AGBL2: variants seen among roughly 807,000 people sequenced by gnomAD.
The protein encoded by AGBL2 is AGBL carboxypeptidase 2, also known as cytosolic carboxypeptidase 2.
In AGBL2, 87 loss-of-function variants were observed where a neutral mutation model predicts 103.0. That is an observed-to-expected ratio of 0.84 (90% confidence interval 0.71 to 1.01). The LOEUF (loss-of-function observed/expected upper bound fraction) is 1.01. AGBL2 is among the 50% of genes least tolerant of loss of function. AGBL2 has a pLI of 0.00. For missense variants in AGBL2, 904 were observed against 1,023.5 expected (o/e 0.88, Z 1.59); for synonymous variants, 335 against 356.7 (o/e 0.94, Z 0.69).
At chr11:47,663,216 TTG>T in intron 17 of AGBL2, 104 bp from the exon 18 acceptor site, 1 of 720,438 alleles carries the variant, frequency 1.4e-6, no homozygotes. Context: ...TGTTGATTCA[TTG>T]TGATATTCCC....
rs879695437 is a variant in AGBL2 at position 47,713,711 on chromosome 11, T to TC, written c.97+572dup. Among the ~76,000 whole-genome samples, 8 of 150,778 alleles carry TC rather than the reference T, an allele frequency of 5.3e-5. No homozygotes were observed. In the South Asian group the frequency reaches 8.5e-4, roughly 16 times the overall value. On this transcript the variant is annotated intron_variant, in intron 3 of 18. Coordinates refer to ENST00000525123, the MANE Select transcript of AGBL2 (RefSeq NM_024783.4). ...TCACGCCATTCTCCTGCCTCAGCCT[T>TC]CCCAGTAGCTGGGACTACAGGCACC...
intron 15 of AGBL2, among the ~76,000 whole-genome samples, chr11:47,667,980 G>A (rs562476677): frequency 8.5e-5 from 13 of 152,234 alleles, no homozygotes; most frequent in Admixed American, 6.5e-4. Flanking sequence ...AGGCTGAAGC[G>A]GGTGGATCAC....
intron 17 of AGBL2, among the ~76,000 whole-genome samples, chr11:47,665,381 A>C (rs544629244): frequency 1.3e-5 from 2 of 152,016 alleles, no homozygotes; most frequent in East Asian, 3.9e-4. Context: ...ATTTTTGTAG[A>C]GATGGGGTCT....
chr11:47,682,308 C>A (rs1044138228), intron 11 of AGBL2, among the ~76,000 whole-genome samples: 2 of 149,830 alleles, frequency 1.3e-5, no homozygotes, highest in Non-Finnish European at 3.0e-5. Flanking sequence ...GAAGGGTTAA[C>A]AAAACTAAAC....
At chr11:47,712,276 T>A (rs1049570333) in intron 3 of AGBL2, among the ~76,000 whole-genome samples, 7 of 152,056 alleles carry the variant, frequency 4.6e-5, no homozygotes, top group African/African-American at 1.7e-4. Context: ...CTCCCCCCTG[T>A]AGATAAGGGG....
intron 10 of AGBL2, 52 bp downstream of exon 10, chr11:47,690,024 G>T: frequency 6.8e-7 from 1 of 1,472,908 alleles, no homozygotes; most frequent in Non-Finnish European, 9.2e-7. Context: ...AGGGATATCT[G>T]GTGCTAGGAC....
chr11:47,691,759 T>C (rs1305347324), intron 9 of AGBL2, among the ~76,000 whole-genome samples: 2 of 99,954 alleles, frequency 2.0e-5, no homozygotes, highest in African/African-American at 7.3e-5. Context: ...TATATATAAT[T>C]TGTGCATATT....
At chr11:47,699,797 T>G (rs898263037) in intron 7 of AGBL2, among the ~76,000 whole-genome samples, 4 of 152,062 alleles carry the variant, frequency 2.6e-5, no homozygotes, top group African/African-American at 9.7e-5. Context: ...ATAGAAGACC[T>G]AAGAATAAGT....
intron 3 of AGBL2, chr11:47,710,909 C>CAAAAAAAAAAAAAA: frequency 3.0e-6 from 1 of 332,574 alleles, no homozygotes. Context: ...GATCCTGTCT[C>CAAAAAAAAAAAAAA]AAAAAAAAAA....
chr11:47,674,801 T>C (rs560046309), intron 14 of AGBL2, among the ~76,000 whole-genome samples: 1 of 151,800 alleles, frequency 6.6e-6, no homozygotes, highest in East Asian at 2.0e-4. Flanking sequence ...AATGGTGCGA[T>C]CTCGGCTCAC....
rs1290770724 is a variant in AGBL2, at chr11:47,682,024, C to T, written c.1860G>A (p.Arg620=). The T allele has an allele frequency of 6.2e-7, 1 of 1,614,154 alleles. No homozygotes were observed. Among genetic ancestry groups the T allele is most frequent in the Non-Finnish European group, 8.5e-7 (1 of 1,180,022 alleles). ...KEGTGRVVMW[R]MGILNSYTME... ...TGGTGTAGCTGTTTAGGATTCCCATCCGCCACATAACAACTCGTCCTGTTC... is the reference window on the plus strand; with the variant it reads ...TGGTGTAGCTGTTTAGGATTCCCATTCGCCACATAACAACTCGTCCTGTTC... Residue 620 remains arginine, a synonymous_variant, in exon 12 of 19, where the codon CGG becomes CGA. Coordinates refer to ENST00000525123, the MANE Select transcript of AGBL2 (RefSeq NM_024783.4).
At chr11:47,697,223 C>G (rs921086100) in intron 8 of AGBL2, among the ~76,000 whole-genome samples, 1 of 151,822 alleles carries the variant, frequency 6.6e-6, no homozygotes, top group African/African-American at 2.4e-5. Context: ...GGCACCACAT[C>G]CAGCCTCTTA....
chr11:47,661,351 AG>A (rs1175405584), intron 18 of AGBL2, among the ~76,000 whole-genome samples: 1 of 152,156 alleles, frequency 6.6e-6, no homozygotes, highest in Non-Finnish European at 1.5e-5. Context: ...AAAGAGGACA[AG>A]CTCATTCTTG....
chr11:47,704,657 G>T lies in AGBL2; in HGVS notation c.472C>A (p.Pro158Thr), dbSNP rs1317917431. The change falls in exon 7 of 19, where the codon CCA becomes ACA. Residue 158 changes from proline to threonine, a missense_variant. Transcript: ENST00000525123. Reference protein sequence around the residue: ...LLYDELDEVNPRLREPQELFS... With the variant: ...LLYDELDEVNTRLREPQELFS... ...AGCTCTTGGGGTTCTCGAAGACGTGGGTTTACTTCATCCAACTCATCATAA... is the reference window on the plus strand; with the variant it reads ...AGCTCTTGGGGTTCTCGAAGACGTGTGTTTACTTCATCCAACTCATCATAA... The T allele has an allele frequency of 6.2e-7, 1 of 1,614,006 alleles. No individual in the cohort carries two copies. The highest frequency in any genetic ancestry group is 8.5e-7 in the Non-Finnish European group (1 of 1,179,976).
chr11:47,710,675 G>A (rs1451947383), intron 3 of AGBL2, 164 bp from the exon 4 acceptor site: 15 of 804,944 alleles, frequency 1.9e-5, no homozygotes, highest in Non-Finnish European at 3.1e-5. Context: ...CAACTTATGT[G>A]AGTGAAGCAT....
intron 8 of AGBL2, among the ~76,000 whole-genome samples, chr11:47,698,063 T>C (rs2097483210): frequency 6.6e-6 from 1 of 151,736 alleles, no homozygotes. Context: ...AGTTTCACCA[T>C]GTTGGGCAGG....
intron 17 of AGBL2, among the ~76,000 whole-genome samples, chr11:47,663,948 G>T (rs970890337): frequency 1.4e-4 from 21 of 152,038 alleles, no homozygotes; most frequent in Admixed American, 2.0e-4. Context: ...TCCACCTCTT[G>T]AGTTCAAGCG....
At position 47,694,143 on chromosome 11, in the gene AGBL2, T is replaced by C. The variant is rs143463193; in HGVS notation, c.695-1887A>G. 9.2e-5 allele frequency among the ~76,000 whole-genome samples: 14 copies of C among 152,150 alleles called. No individual in the cohort carries two copies. In the East Asian group the frequency reaches 2.7e-3, roughly 29 times the overall value. On this transcript the variant is annotated intron_variant, in intron 8 of 18. Coordinates refer to ENST00000525123, the MANE Select transcript of AGBL2 (RefSeq NM_024783.4). ...AGCTGAGAGGTCGAGGCTGCAGTGA[T>C]TTGTGATTTTTCCACTGCACTCCAG...
intron 7 of AGBL2, among the ~76,000 whole-genome samples, chr11:47,703,496 A>T (rs1400218241): frequency 6.6e-6 from 1 of 152,188 alleles, no homozygotes. Flanking sequence ...TGAGTTAATA[A>T]ATGTTGACTC....
Sources: allele counts gnomAD v4.1 joint callset (sites outside exome capture counted in the v4.1 genomes callset), GRCh38; gene constraint gnomAD v4.1.1; transcripts MANE v1.5; gene names NCBI Gene and HGNC (gene_info 2026-07-23, HGNC 2026-07-21).